The following TMTC2 variants were observed in gnomAD, a reference collection of about 807,000 sequenced individuals.
TMTC2 encodes the protein protein O-mannosyl-transferase TMTC2.
TMTC2 carries 43 observed loss-of-function variants against 82.4 expected under a neutral mutation model. The ratio of observed to expected loss-of-function variants is 0.52; its 90% CI spans 0.41 to 0.67. The LOEUF (loss-of-function observed/expected upper bound fraction) is 0.67. Among genes scored for constraint, TMTC2 ranks in the 30% least tolerant of loss-of-function variants. TMTC2 has a pLI of 0.00. For missense variants in TMTC2, 919 were observed against 1,012.4 expected (o/e 0.91, Z 1.25); for synonymous variants, 408 against 381.9 (o/e 1.07, Z -0.80).
At chr12:82,882,226 C>A (rs1450804147) in intron 2 of TMTC2, among the ~76,000 whole-genome samples, 1 of 151,718 alleles carries the variant, frequency 6.6e-6, no homozygotes, top group Non-Finnish European at 1.5e-5. Flanking sequence ...GTCTCGATCT[C>A]CTGACCTCGT....
At chr12:82,876,057 G>GTGATTAGTATTCATAA (rs1345121980) in intron 2 of TMTC2, among the ~76,000 whole-genome samples, 6 of 137,108 alleles carry the variant, frequency 4.4e-5, no homozygotes, top group African/African-American at 1.8e-4. Flanking sequence ...GGTGGTGGTG[G>GTGATTAGTATTCATAA]TGGTGGTGGT....
intron 11 of TMTC2, among the ~76,000 whole-genome samples, chr12:83,070,897 G>A (rs116787443): frequency 0.072 from 11,011 of 152,212 alleles, 481 homozygotes; most frequent in Middle Eastern, 0.095. Context: ...TTTTAATCAT[G>A]AAGTGATGCT....
chr12:83,006,986 T>A (rs1054822083), intron 8 of TMTC2, among the ~76,000 whole-genome samples: 1 of 152,072 alleles, frequency 6.6e-6, no homozygotes, highest in South Asian at 2.1e-4. Context: ...ATACCTAATG[T>A]AAATGACGAG....
chr12:82,773,461 T>C (rs967677127), intron 1 of TMTC2, among the ~76,000 whole-genome samples: 1 of 146,224 alleles, frequency 6.8e-6, no homozygotes, highest in Non-Finnish European at 1.5e-5. Flanking sequence ...AAGTGATATT[T>C]CTTTTTTTTT....
rs183811183 is a variant in TMTC2, at chr12:82,702,441, C to T, written c.83+14772C>T. 1.1e-4 allele frequency among the ~76,000 whole-genome samples: 16 copies of T among 152,064 alleles called. No individual in the cohort carries two copies. The East Asian group carries it at 1.5e-3, about 15-fold the overall frequency. On this transcript the variant is annotated intron_variant, in intron 1 of 11. Transcript: ENST00000321196. ...AGACTGTTCAGGTGAAAATTTACCC[C>T]GTATCTTAATAAAACAAATTCTGTT...
chr12:82,937,786 A>ACATATATATATATATATATATATG (rs1565818416), intron 4 of TMTC2, among the ~76,000 whole-genome samples: 19 of 23,020 alleles, frequency 8.3e-4, no homozygotes, highest in East Asian at 4.2e-3. Context: ...ATATATATAT[A>ACATATATATATATATATATATATG]TATATATATA....
In TMTC2 at chr12:83,057,820, T is replaced by A. The variant is rs185047960; in HGVS notation, c.2268-3948T>A. Among the ~76,000 whole-genome samples the A allele has an allele frequency of 7.0e-4, 107 of 152,054 alleles. 3 individuals are homozygous for A. Among genetic ancestry groups the A allele is most frequent in the Admixed American group, 7.0e-3 (107 of 15,236 alleles). On this transcript the variant is annotated intron_variant, in intron 10 of 11. Transcript: ENST00000321196. ...CGTGGTTTTTATATTAATTTTTAAT[T>A]CAAATTGACAATTCACAACTATCAA...
At chr12:82,806,952 T>G (rs12370719) in intron 1 of TMTC2, among the ~76,000 whole-genome samples, 37,960 of 151,968 alleles carry the variant, frequency 0.25, 6,279 homozygotes, top group African/African-American at 0.47. Flanking sequence ...ATTTTGTCCA[T>G]GAAAATCTAC....
intron 8 of TMTC2, among the ~76,000 whole-genome samples, chr12:83,010,265 T>G (rs1365903293): frequency 6.6e-6 from 1 of 152,200 alleles, no homozygotes. Context: ...ACATAGAGAT[T>G]GACCCTCCCA....
chr12:82,718,232 CT>C (rs1873989695), intron 1 of TMTC2, among the ~76,000 whole-genome samples: 4 of 152,192 alleles, frequency 2.6e-5, no homozygotes, highest in Non-Finnish European at 5.9e-5. Flanking sequence ...TGATTTGAAA[CT>C]TCATCTAATC....
chr12:82,753,523 T>G (rs1458620357), intron 1 of TMTC2, among the ~76,000 whole-genome samples: 1 of 152,216 alleles, frequency 6.6e-6, no homozygotes, highest in Non-Finnish European at 1.5e-5. Context: ...ATGTATTGGG[T>G]GGCTTAATGG....
At chr12:82,787,720 C>A (rs1054179730) in intron 1 of TMTC2, among the ~76,000 whole-genome samples, 23 of 151,996 alleles carry the variant, frequency 1.5e-4, no homozygotes, top group African/African-American at 5.6e-4. Flanking sequence ...ACCAGCCTGG[C>A]CAGCATGGCA....
chr12:82,731,753 CTAG>C (rs1157488391), intron 1 of TMTC2, among the ~76,000 whole-genome samples: 1 of 152,180 alleles, frequency 6.6e-6, no homozygotes, highest in African/African-American at 2.4e-5. Context: ...TAATCAGCAA[CTAG>C]TAAACCAAGT....
intron 11 of TMTC2, among the ~76,000 whole-genome samples, chr12:83,080,990 G>T (rs1883444811): frequency 6.6e-6 from 1 of 152,176 alleles, no homozygotes; most frequent in Non-Finnish European, 1.5e-5. Flanking sequence ...AAGCCCTGTG[G>T]ATATAATGAG....
chr12:82,738,825 A>G (rs1875244039), intron 1 of TMTC2, among the ~76,000 whole-genome samples: 1 of 152,158 alleles, frequency 6.6e-6, no homozygotes, highest in Admixed American at 6.6e-5. Context: ...GTAAAATGTT[A>G]TTTAATAATT....
At chr12:83,110,802 A>G (rs778466821) in intron 11 of TMTC2, among the ~76,000 whole-genome samples, 1 of 152,098 alleles carries the variant, frequency 6.6e-6, no homozygotes, top group Non-Finnish European at 1.5e-5. Flanking sequence ...TTCACACCCA[A>G]ACTCTCAGGG....
intron 10 of TMTC2, among the ~76,000 whole-genome samples, chr12:83,052,905 C>T (rs1882406242): frequency 6.6e-6 from 1 of 151,704 alleles, no homozygotes; most frequent in African/African-American, 2.4e-5. Flanking sequence ...TCAGTCGGTG[C>T]CCTCCTATAT....
chr12:82,940,096 C>T (rs1876627210), intron 4 of TMTC2, among the ~76,000 whole-genome samples: 1 of 146,484 alleles, frequency 6.8e-6, no homozygotes, highest in East Asian at 2.1e-4. Context: ...TCTCGGCTCA[C>T]AGCAACCTCC....
At chr12:83,061,892 G>A in intron 11 of TMTC2, 61 bp downstream of exon 11, 9 of 1,262,330 alleles carry the variant, frequency 7.1e-6, no homozygotes, top group Non-Finnish European at 9.7e-6. Context: ...TATGATAGGT[G>A]TAAGAAGCAT....
Sources: gnomAD v4.1 joint callset for allele counts (sites outside exome capture counted in the v4.1 genomes callset) on GRCh38, gnomAD v4.1.1 for gene constraint, MANE v1.5 for transcripts, NCBI Gene and HGNC (gene_info 2026-07-23, HGNC 2026-07-21) for gene names.